LCORL: variants seen among roughly 807,000 people sequenced by gnomAD.
The protein encoded by LCORL is ligand dependent nuclear receptor corepressor like, also known as ligand-dependent nuclear receptor corepressor-like protein.
A neutral mutation model predicts 141.8 loss-of-function variants in LCORL; 41 were observed. The observed-to-expected ratio is 0.29, with a 90% CI of 0.23 to 0.38. LCORL has a LOEUF of 0.38. LCORL is among the 10% of genes least tolerant of loss of function. LCORL has a pLI of 1.00. For synonymous variants in LCORL, 618 were observed against 694.1 expected, an observed-to-expected ratio of 0.89 and a Z score of 1.72; for missense variants, 1,759 against 2,035.0, an observed-to-expected ratio of 0.86 and a Z score of 2.61.
chr4:17,947,240 T>G (rs1739027842), intron 4 of LCORL, among the ~76,000 whole-genome samples: 1 of 151,950 alleles, frequency 6.6e-6, no homozygotes, highest in African/African-American at 2.4e-5. Context: ...TGCAACAACA[T>G]GGATGGAATT....
chr4:17,964,763 G>A (rs1479922645), intron 2 of LCORL, among the ~76,000 whole-genome samples: 1 of 151,996 alleles, frequency 6.6e-6, no homozygotes, highest in Non-Finnish European at 1.5e-5. Context: ...TCACCCATAA[G>A]CGTGCAAAAG....
At chr4:17,943,797 G>C (rs1429900569) in intron 4 of LCORL, among the ~76,000 whole-genome samples, 98 of 151,816 alleles carry the variant, frequency 6.5e-4, no homozygotes, top group Non-Finnish European at 1.9e-4. Flanking sequence ...AAACATTTTA[G>C]GAGTTTTTGG....
intron 4 of LCORL, among the ~76,000 whole-genome samples, chr4:17,943,335 C>T (rs1052709308): frequency 2.6e-5 from 4 of 152,150 alleles, no homozygotes; most frequent in African/African-American, 7.2e-5. Flanking sequence ...AATGAAATGA[C>T]TCTTCACTCT....
chr4:17,880,464 G>T (rs1727414308), intron 6 of LCORL: 1 of 928,462 alleles, frequency 1.1e-6, no homozygotes. Flanking sequence ...CAAACATACT[G>T]CCTATTTTTA....
At chr4:18,006,574 G>C (rs1722850759) in intron 1 of LCORL, among the ~76,000 whole-genome samples, 1 of 152,164 alleles carries the variant, frequency 6.6e-6, no homozygotes, top group African/African-American at 2.4e-5. Flanking sequence ...TTTACAGTTT[G>C]AAGTGGCTGG....
intron 4 of LCORL, chr4:17,912,735 C>G (rs758353322): frequency 5.0e-6 from 2 of 401,348 alleles, no homozygotes; most frequent in African/African-American, 2.1e-5. Context: ...CACCTGGAGT[C>G]GGAGCTGGCA....
intron 1 of LCORL, among the ~76,000 whole-genome samples, chr4:17,977,139 T>TG (rs1717137451): frequency 6.6e-6 from 1 of 152,176 alleles, no homozygotes; most frequent in Non-Finnish European, 1.5e-5. Flanking sequence ...TTTCTCTGTA[T>TG]TGTTGCTGGT....
At chr4:17,931,801 T>C (rs1736091619) in intron 4 of LCORL, among the ~76,000 whole-genome samples, 1 of 152,170 alleles carries the variant, frequency 6.6e-6, no homozygotes, top group South Asian at 2.1e-4. Flanking sequence ...TTGAGTTCAA[T>C]ATATATTCAT....
chr4:17,887,170 A>C (rs899114353), intron 5 of LCORL, among the ~76,000 whole-genome samples: 2 of 152,054 alleles, frequency 1.3e-5, no homozygotes, highest in African/African-American at 4.8e-5. Context: ...GACTTCGACA[A>C]TAATTTATTG....
intron 6 of LCORL, among the ~76,000 whole-genome samples, chr4:17,879,528 A>C (rs1162111880): frequency 6.6e-6 from 1 of 151,134 alleles, no homozygotes; most frequent in African/African-American, 2.4e-5. Flanking sequence ...AAGATAGGAC[A>C]TGACCCCAGT....
chr4:17,885,992 T>C, intron 6 of LCORL, 76 bp downstream of exon 6: 1 of 775,106 alleles, frequency 1.3e-6, no homozygotes, highest in Non-Finnish European at 2.0e-6. Context: ...TCAATACTAC[T>C]CAGAATAGTA....
chr4:17,875,886 T>G (rs1726865740), exon 7 of LCORL: 1 of 1,231,036 alleles, frequency 8.1e-7, no homozygotes, highest in South Asian at 4.1e-5. Flanking sequence ...ATGACTGAAT[T>G]TGTTTAGTTC....
intron 7 of LCORL, among the ~76,000 whole-genome samples, chr4:17,849,818 G>A (rs1300148520): frequency 2.0e-4 from 31 of 151,884 alleles, no homozygotes; most frequent in Non-Finnish European, 2.8e-4. Flanking sequence ...AGCCCACATC[G>A]CCAAGTCAAT....
intron 1 of LCORL, among the ~76,000 whole-genome samples, chr4:18,014,600 G>A (rs1417795707): frequency 6.6e-6 from 1 of 152,170 alleles, no homozygotes; most frequent in East Asian, 1.9e-4. Context: ...TAGGGTTGCT[G>A]CCAATTATGG....
intron 1 of LCORL, among the ~76,000 whole-genome samples, chr4:17,983,004 C>T (rs1250151091): frequency 6.6e-6 from 1 of 152,168 alleles, no homozygotes; most frequent in African/African-American, 2.4e-5. Context: ...TATCCCAGCA[C>T]CATTTATTGA....
chr4:18,009,893 A>G lies in LCORL; in HGVS notation c.154+11705T>C, dbSNP rs1168873040. 2.0e-5 allele frequency among the ~76,000 whole-genome samples: 3 copies of G among 152,204 alleles called. 1 individual carries two copies. Among genetic ancestry groups the G allele is most frequent in the South Asian group, 4.1e-4 (2 of 4,822 alleles). On this transcript the variant is annotated intron_variant, in intron 1 of 7. Transcript: ENST00000635767. ...GGTTCTGAGATCCCACTCCTCTTAC[A>G]TGACGATGTGGCTCTGCCTCCCACG... is the stretch of plus-strand genomic sequence containing the variant.
intron 7 of LCORL, among the ~76,000 whole-genome samples, chr4:17,864,367 G>A (rs1577275004): frequency 1.3e-5 from 2 of 152,188 alleles, no homozygotes; most frequent in East Asian, 3.9e-4. Context: ...TGGGGCCACA[G>A]GCACGTGCCA....
At chr4:17,947,658 A>G (rs1247208806) in intron 4 of LCORL, among the ~76,000 whole-genome samples, 3 of 151,982 alleles carry the variant, frequency 2.0e-5, no homozygotes, top group African/African-American at 7.2e-5. Flanking sequence ...TTTGTACCCC[A>G]TAAATTTATG....
chr4:18,010,249 T>A (rs1229656384), intron 1 of LCORL, among the ~76,000 whole-genome samples: 2 of 152,058 alleles, frequency 1.3e-5, no homozygotes, highest in Admixed American at 6.5e-5. Context: ...TACTTAAGTA[T>A]CTTACATAGG....
Sources: allele counts gnomAD v4.1 joint callset (sites outside exome capture counted in the v4.1 genomes callset), GRCh38; gene constraint gnomAD v4.1.1; transcripts MANE v1.5; gene names NCBI Gene and HGNC (gene_info 2026-07-23, HGNC 2026-07-21).